The following CLU variants were observed in gnomAD, a reference collection of about 807,000 sequenced individuals.
CLU encodes clusterin, also known as aging-associated protein 4.
A neutral mutation model predicts 46.4 loss-of-function variants in CLU; 25 were observed. That is an observed-to-expected ratio of 0.54 (90% confidence interval 0.39 to 0.75). CLU has a LOEUF of 0.75. Ranked by LOEUF, CLU falls within the 30% of genes least tolerant of loss-of-function variation. The pLI is 0.00. For missense variants in CLU, 504 were observed against 592.1 expected (o/e 0.85, Z 1.54); for synonymous variants, 235 against 235.1 (o/e 1.00, Z 0.00).
At chr8:27,608,839 G>T in intron 3 of CLU, 99 bp downstream of exon 3, 1 of 1,273,526 alleles carries the variant, frequency 7.9e-7, no homozygotes, top group Non-Finnish European at 1.1e-6. Flanking sequence ...GGAGGACTGC[G>T]GGTCACCATG....
rs185794666 is a variant in CLU at position 27,607,571 on chromosome 8, A to G, written c.247-1047T>C. Reference sequence around the variant, plus strand: ...GTTTATAGTCCATTTTGAATATTATATGTTAAAAATTCATAATTTTAAATA... The same window carrying G: ...GTTTATAGTCCATTTTGAATATTATGTGTTAAAAATTCATAATTTTAAATA... On this transcript the variant is annotated intron_variant, in intron 3 of 8. Coordinates refer to ENST00000316403, the MANE Select transcript of CLU (RefSeq NM_001831.4). Among the ~76,000 whole-genome samples the G allele has an allele frequency of 4.9e-3, 753 of 152,274 alleles. 4 individuals carry two copies. Among genetic ancestry groups the G allele is most frequent in the African/African-American group, 0.018 (736 of 41,568 alleles).
rs758879664 is a variant in CLU, at chr8:27,606,535, A to ACACAAGGCTGGCTGAGC, written c.247-28_247-12dup. The ACACAAGGCTGGCTGAGC allele has an allele frequency of 4.1e-5, 66 of 1,613,932 alleles. No individual in the cohort carries two copies. Among genetic ancestry groups the ACACAAGGCTGGCTGAGC allele is most frequent in the Non-Finnish European group, 5.4e-5 (64 of 1,180,020 alleles). On this transcript the variant is annotated splice_polypyrimidine_tract_variant and intron_variant, in intron 3 of 8. Transcript: ENST00000316403. ...CTCATTTAGGGCATCCTACAGGAAG[A>ACACAAGGCTGGCTGAGC]CACAAGGCTGGCTGAGCCACACAGA...
chr8:27,598,266 G>A lies in CLU; in HGVS notation c.1341-16C>T. Reference sequence around the variant, plus strand: ...TCACTCCTCCCTGAAATAAAAAACAGTTATCCTCCAAAGTAAAACATCCTC... The same window carrying A: ...TCACTCCTCCCTGAAATAAAAAACAATTATCCTCCAAAGTAAAACATCCTC... On this transcript the variant is annotated splice_polypyrimidine_tract_variant and intron_variant, in intron 8 of 8. Coordinates refer to ENST00000316403, the MANE Select transcript of CLU (RefSeq NM_001831.4). 2.5e-6 allele frequency: 4 copies of A among 1,613,756 alleles called. No individual in the cohort carries two copies. Among genetic ancestry groups the A allele is most frequent in the Non-Finnish European group, 3.4e-6 (4 of 1,179,772 alleles).
At chr8:27,606,297 C>T in intron 4 of CLU, 57 bp downstream of exon 4, 1 of 1,590,560 alleles carries the variant, frequency 6.3e-7, no homozygotes, top group African/African-American at 1.3e-5. Flanking sequence ...GCATATTTCA[C>T]TAGGCTCCCC....
intron 4 of CLU, 87 bp from the exon 5 acceptor site, chr8:27,605,422 G>T: frequency 1.4e-6 from 2 of 1,431,364 alleles, no homozygotes; most frequent in South Asian, 2.4e-5. Flanking sequence ...GCCAGGCCAG[G>T]CCCTGCCCAT....
At position 27,611,252 on chromosome 8, in the gene CLU, G is replaced by T. The variant is rs371522843; in HGVS notation, c.-29-652C>A. 4.8e-5 allele frequency: 22 copies of T among 454,310 alleles called. No individual in the cohort carries two copies. In the East Asian group the frequency reaches 1.5e-3, roughly 30 times the overall value. 28.1% of individuals were successfully genotyped at this position (454,310 alleles called of 1,614,324 possible). A position where few individuals can be genotyped will look rare whatever the true frequency, so the allele number is the denominator to read the frequency against. ...GGGCCGGGCTGCCTGTGCATTCAGG[G>T]GTGGAAGTAGTGGAAGCCAGGAAGG... On this transcript the variant is annotated intron_variant, in intron 1 of 8. Coordinates refer to ENST00000316403, the MANE Select transcript of CLU (RefSeq NM_001831.4).
intron 2 of CLU, 100 bp from the exon 3 acceptor site, chr8:27,609,186 G>C: frequency 7.6e-7 from 1 of 1,307,700 alleles, no homozygotes; most frequent in Non-Finnish European, 1.1e-6. Context: ...TCAGTTCAGG[G>C]GCTGTCAAGG....
chr8:27,609,710 A>G (rs1053797804), intron 2 of CLU, among the ~76,000 whole-genome samples: 1 of 152,152 alleles, frequency 6.6e-6, no homozygotes, highest in African/African-American at 2.4e-5. Context: ...AGAGGGAGAC[A>G]TGGGAAGTGT....
chr8:27,599,755 A>G lies in CLU; in HGVS notation c.1164+25T>C. On this transcript the variant is annotated intron_variant, in intron 7 of 8. Coordinates refer to ENST00000316403, the MANE Select transcript of CLU (RefSeq NM_001831.4). The surrounding 1 kb of genome is among the most constrained non-coding windows in gnomAD (Gnocchi z 4.0). ...ATCACAGCTCGGGCTCCCGAGCCACAGCATGTGGCCGGGACACAGCTCACC... is the reference window on the plus strand; with the variant it reads ...ATCACAGCTCGGGCTCCCGAGCCACGGCATGTGGCCGGGACACAGCTCACC... 1 of 1,560,558 alleles carries G rather than the reference A, an allele frequency of 6.4e-7. No individual in the cohort carries two copies. Among genetic ancestry groups the G allele is most frequent in the South Asian group, 1.1e-5 (1 of 87,712 alleles).
intron 6 of CLU, among the ~76,000 whole-genome samples, chr8:27,602,850 A>C (rs1800746161): frequency 6.6e-6 from 1 of 152,152 alleles, no homozygotes; most frequent in South Asian, 2.1e-4. Flanking sequence ...AGATTACTTG[A>C]GGTCAGGAGT....
Position 27,611,578 on chromosome 8 carries a change from AAGAAC to A in CLU, c.-29-983_-29-979del, listed in dbSNP as rs1296891902. 3 of 451,234 alleles carry A rather than the reference AAGAAC, an allele frequency of 6.6e-6. No individual in the cohort carries two copies. The East Asian group carries it at 2.2e-4, about 32-fold the overall frequency. The allele number at this position is 451,234 out of a possible 1,614,324, so 28.0% of individuals were successfully genotyped here. On this transcript the variant is annotated intron_variant, in intron 1 of 8. Transcript: ENST00000316403. ...ACTCCACCCCCACCATGCCCCTCCC[AAGAAC>A]TGCTTATCTGAGCTCACCCATTTGC...
chr8:27,614,474 C>T (rs1800979216), intron 1 of CLU, 181 bp downstream of exon 1: 1 of 340,976 alleles, frequency 2.9e-6, no homozygotes, highest in Non-Finnish European at 5.7e-6. Flanking sequence ...GGGCCCCTGG[C>T]TCAGCTGCCT....
chr8:27,614,198 G>T (rs1374268553), intron 1 of CLU: 1 of 153,742 alleles, frequency 6.5e-6, no homozygotes, highest in African/African-American at 2.4e-5. Context: ...GAGAGCTAGA[G>T]AATTTAGAAG....
intron 1 of CLU, chr8:27,611,267 A>G (rs774328848): frequency 2.2e-6 from 1 of 454,466 alleles, no homozygotes; most frequent in Non-Finnish European, 4.4e-6. Flanking sequence ...AAGTAGTGGA[A>G]GCCAGGAAGG....
chr8:27,601,678 A>T (rs1800723992), intron 6 of CLU, among the ~76,000 whole-genome samples: 1 of 152,234 alleles, frequency 6.6e-6, no homozygotes, highest in South Asian at 2.1e-4. Flanking sequence ...ATGCTTTAGG[A>T]TGATGACTGC....
intron 1 of CLU, chr8:27,610,842 G>A: frequency 2.0e-6 from 1 of 489,470 alleles, no homozygotes; most frequent in South Asian, 2.1e-5. Flanking sequence ...ATGTTGAGTG[G>A]AAGAAACAAG....
Position 27,598,268 on chromosome 8 carries a change from T to TATCCTCCAAAGTAAAAC in CLU, c.1341-35_1341-19dup, listed in dbSNP as rs747280736. 5.0e-6 allele frequency: 8 copies of TATCCTCCAAAGTAAAAC among 1,613,774 alleles called. No individual in the cohort carries two copies. In the East Asian group the frequency reaches 1.8e-4, roughly 36 times the overall value. ...ACTCCTCCCTGAAATAAAAAACAGT[T>TATCCTCCAAAGTAAAAC]ATCCTCCAAAGTAAAACATCCTCCA... On this transcript the variant is annotated intron_variant, in intron 8 of 8. Coordinates refer to ENST00000316403, the MANE Select transcript of CLU (RefSeq NM_001831.4).
In CLU at chr8:27,597,378, C is replaced by G. The variant is rs566095820; in HGVS notation, c.*863G>C. Reference sequence around the variant, plus strand: ...CCCAGCTATGGTTCAGACTAAAAGCCGAGAAACGCCTGTGGTCCAGGGAAA... The same window carrying G: ...CCCAGCTATGGTTCAGACTAAAAGCGGAGAAACGCCTGTGGTCCAGGGAAA... On this transcript the variant is annotated 3_prime_UTR_variant, in exon 9 of 9. Transcript: ENST00000316403. 4.4e-6 allele frequency: 2 copies of G among 454,344 alleles called. No individual in the cohort carries two copies. The highest frequency in any genetic ancestry group is 4.0e-5 in the African/African-American group (2 of 49,956). 28.1% of individuals were successfully genotyped at this position (454,344 alleles called of 1,614,324 possible).
At chr8:27,611,549 CT>C (rs1160477462) in intron 1 of CLU, 4 of 457,788 alleles carry the variant, frequency 8.7e-6, no homozygotes, top group Non-Finnish European at 1.8e-5. Context: ...ACCCCTCCCC[CT>C]GCACTCCACC....
Sources: allele counts gnomAD v4.1 joint callset (sites outside exome capture counted in the v4.1 genomes callset), GRCh38; gene constraint gnomAD v4.1.1; non-coding constraint Gnocchi (gnomAD v3.1); transcripts MANE v1.5; gene names NCBI Gene and HGNC (gene_info 2026-07-23, HGNC 2026-07-21).